Variants in CCDC3 observed in about 807,000 individuals in gnomAD.
The protein encoded by CCDC3 is coiled-coil domain containing 3, also known as coiled-coil domain-containing protein 3.
Under a neutral mutation model 21.4 loss-of-function variants are expected in CCDC3, and 24 were observed. That is an observed-to-expected ratio of 1.12 (90% CI 0.81 to 1.58). The LOEUF is 1.58. CCDC3 is among the 40% of genes most tolerant of loss of function. CCDC3 has a pLI of 0.00. For missense variants in CCDC3, 425 were observed against 360.9 expected (o/e 1.18, Z -1.44); for synonymous variants, 186 against 166.0 (o/e 1.12, Z -0.93).
chr10:13,090,034 GATATATATATATATATATATATAT>G (rs66476163), intron 3 of CCDC3, among the ~76,000 whole-genome samples: 11 of 129,164 alleles, frequency 8.5e-5, no homozygotes, highest in East Asian at 2.2e-4. Context: ...TATTCCGTTA[GATATATATATATATATATATATAT>G]ATATATATAT....
At chr10:13,058,113 C>T in intron 4 of CCDC3, 1 of 813,796 alleles carries the variant, frequency 1.2e-6, no homozygotes, top group Admixed American at 1.7e-5. Context: ...GCAATAAATT[C>T]CTTGTTTTCA....
intron 2 of CCDC3, among the ~76,000 whole-genome samples, chr10:12,914,509 G>A (rs543334502): frequency 1.3e-5 from 2 of 152,166 alleles, no homozygotes; most frequent in East Asian, 3.9e-4. Flanking sequence ...GCAGTGGCGT[G>A]TCCTTGGCTC....
chr10:12,959,683 C>T (rs1362859213), intron 2 of CCDC3, among the ~76,000 whole-genome samples: 1 of 152,172 alleles, frequency 6.6e-6, no homozygotes, highest in Non-Finnish European at 1.5e-5. Flanking sequence ...TCCCTCCAAA[C>T]TCCTTGGTTT....
intron 4 of CCDC3, among the ~76,000 whole-genome samples, chr10:13,053,160 T>C (rs1836634919): frequency 6.6e-6 from 1 of 152,222 alleles, no homozygotes; most frequent in African/African-American, 2.4e-5. Context: ...CTTCCTCTAA[T>C]GCAAACAACT....
At chr10:12,901,974 G>A (rs139836331) in intron 2 of CCDC3, among the ~76,000 whole-genome samples, 53 of 152,152 alleles carry the variant, frequency 3.5e-4, no homozygotes, top group African/African-American at 1.2e-3. Flanking sequence ...CCCCTTTCAC[G>A]ATGCTTTCCA....
rs1005260217 is a variant in CCDC3 at position 12,904,302 on chromosome 10, AAAAAAT to A, written c.550-5629_550-5624del. 4.9e-4 allele frequency among the ~76,000 whole-genome samples: 74 copies of A among 151,704 alleles called. 1 individual carries two copies. The highest frequency in any genetic ancestry group is 1.7e-3 in the African/African-American group (69 of 41,270). ...GGAAACACAGGGAGACCCCATCTCT[AAAAAAT>A]AAAAATAAAAAATAGCCCGGCATAG... is the stretch of plus-strand genomic sequence containing the variant. On this transcript the variant is annotated intron_variant, in intron 2 of 2. Coordinates refer to ENST00000378825, the MANE Select transcript of CCDC3 (RefSeq NM_031455.4).
At chr10:12,939,802 T>A (rs986763) in intron 2 of CCDC3, among the ~76,000 whole-genome samples, 122,954 of 152,162 alleles carry the variant, frequency 0.81, 49,992 homozygotes, top group East Asian at 0.97. Flanking sequence ...CTGGCCAATC[T>A]CTTTAAGAGT....
Position 13,001,387 on chromosome 10 carries a change from G to C in CCDC3, c.184C>G (p.Leu62Val). The C allele has an allele frequency of 6.3e-7, 1 of 1,585,210 alleles. No individual in the cohort carries two copies. The highest frequency in any genetic ancestry group is 8.6e-7 in the Non-Finnish European group (1 of 1,166,826). ...TGGCCGGCGTGGTACTGCCAGGGCA[G>C]GTGGTTGTAGAGGCCGGGCGCCTCG... ...HPEAPGLYNH[L>V]PWQYHAGQGG... is the part of the protein sequence containing the mutation. The change falls in exon 1 of 3, where the codon CTG becomes GTG. Residue 62 changes from leucine (L) to valine (V), a missense_variant. Coordinates refer to ENST00000378825, the MANE Select transcript of CCDC3 (RefSeq NM_031455.4).
At chr10:13,032,312 A>G (rs530200477) in intron 5 of CCDC3, among the ~76,000 whole-genome samples, 1 of 152,336 alleles carries the variant, frequency 6.6e-6, no homozygotes, top group African/African-American at 2.4e-5. Flanking sequence ...AAAAATTCTC[A>G]ATAAACTAGG....
chr10:12,972,319 C>T (rs1445858142), intron 2 of CCDC3, among the ~76,000 whole-genome samples: 1 of 152,206 alleles, frequency 6.6e-6, no homozygotes, highest in Middle Eastern at 3.2e-3. Flanking sequence ...AGACTCATCC[C>T]TGCCATAGCC....
intron 2 of CCDC3, among the ~76,000 whole-genome samples, chr10:12,905,995 C>T (rs11258059): frequency 0.15 from 22,118 of 152,214 alleles, 1,742 homozygotes; most frequent in African/African-American, 0.18. Context: ...TTACCCACGT[C>T]CTCCGTAGTG....
chr10:13,044,297 C>T (rs907811856), intron 5 of CCDC3, among the ~76,000 whole-genome samples: 2 of 152,050 alleles, frequency 1.3e-5, no homozygotes, highest in African/African-American at 2.4e-5. Context: ...CCTCCCATTC[C>T]GTAGGTTGTC....
intron 5 of CCDC3, among the ~76,000 whole-genome samples, chr10:13,046,319 T>C (rs1836527306): frequency 6.6e-6 from 1 of 151,038 alleles, no homozygotes; most frequent in Non-Finnish European, 1.5e-5. Flanking sequence ...GTTGGGAGCA[T>C]CCCTTGAGCC....
In CCDC3 at chr10:12,967,967, G is replaced by A. The variant is rs142280903; in HGVS notation, c.549+30371C>T. Among the ~76,000 whole-genome samples, 1,393 of 152,126 alleles carry A rather than the reference G, an allele frequency of 9.2e-3. 66 individuals carry two copies. The highest frequency in any genetic ancestry group is 0.076 in the Admixed American group (1,164 of 15,272). On this transcript the variant is annotated intron_variant, in intron 2 of 2. Transcript: ENST00000378825. ...GGGCAGATCACAAGGTCAGGAGTTC[G>A]AGACCAGCCTGACCAACATGGTGAA...
At chr10:13,016,162 A>G (rs1055377743) in intron 5 of CCDC3, among the ~76,000 whole-genome samples, 1 of 151,946 alleles carries the variant, frequency 6.6e-6, no homozygotes, top group African/African-American at 2.4e-5. Context: ...CTATGGTCCA[A>G]AGTCAGATAC....
chr10:13,077,757 G>A (rs1836984262), intron 3 of CCDC3, among the ~76,000 whole-genome samples: 2 of 152,208 alleles, frequency 1.3e-5, no homozygotes, highest in Non-Finnish European at 2.9e-5. Flanking sequence ...AAGCAATGGG[G>A]AAAGGATTCC....
At chr10:13,058,722 G>A (rs1564335428) in intron 4 of CCDC3, 1 of 312,452 alleles carries the variant, frequency 3.2e-6, no homozygotes. Context: ...GAGACCTGCA[G>A]GCCTATTACT....
chr10:12,959,513 A>G (rs563762639), intron 2 of CCDC3, among the ~76,000 whole-genome samples: 94 of 152,302 alleles, frequency 6.2e-4, no homozygotes, highest in African/African-American at 2.2e-3. Context: ...TCCTCAGCAC[A>G]GTGCCTGGCT....
intron 3 of CCDC3, among the ~76,000 whole-genome samples, chr10:13,096,208 G>T (rs185839726): frequency 6.8e-6 from 1 of 146,898 alleles, no homozygotes; most frequent in Non-Finnish European, 1.5e-5. Context: ...TTTTTGGACA[G>T]AGTCTCACTC....
Sources: allele counts gnomAD v4.1 joint callset (sites outside exome capture counted in the v4.1 genomes callset), GRCh38; gene constraint gnomAD v4.1.1; transcripts MANE v1.5; gene names NCBI Gene and HGNC (gene_info 2026-07-23, HGNC 2026-07-21).